Variants in FARP2 observed in about 807,000 individuals in gnomAD.
FARP2 encodes FERM, ARHGEF and pleckstrin domain-containing protein 2.
In FARP2, 111 loss-of-function variants were observed where a neutral mutation model predicts 130.5. That is an observed-to-expected ratio of 0.85 (90% confidence interval 0.73 to 1.00). The LOEUF (loss-of-function observed/expected upper bound fraction) is 1.00, where lower values mean the gene tolerates loss of function less well. Ranked by LOEUF, FARP2 falls within the 50% of genes least tolerant of loss-of-function variation. The probability of loss-of-function intolerance (pLI) is 0.00; values close to 1 mark genes in which losing one functional copy is unlikely to be tolerated. For synonymous variants in FARP2, 504 were observed against 516.9 expected (o/e 0.98, Z 0.34); for missense variants, 1,385 against 1,346.3 (o/e 1.03, Z -0.45).
intron 1 of FARP2, among the ~76,000 whole-genome samples, chr2:241,366,215 C>G (rs2061318441): frequency 6.7e-6 from 1 of 149,578 alleles, no homozygotes; most frequent in South Asian, 2.1e-4. Flanking sequence ...ACCTTTTATT[C>G]ACTTTCACAC....
At chr2:241,368,463 T>C (rs2061360722) in intron 1 of FARP2, among the ~76,000 whole-genome samples, 1 of 152,148 alleles carries the variant, frequency 6.6e-6, no homozygotes, top group South Asian at 2.1e-4. Context: ...TGTGTGTTCT[T>C]GCCTCTTTAA....
chr2:241,386,046 C>T (rs1467963595), intron 2 of FARP2, among the ~76,000 whole-genome samples: 1 of 152,140 alleles, frequency 6.6e-6, no homozygotes, highest in East Asian at 1.9e-4. Flanking sequence ...TACAAGGTTA[C>T]TGAGCAAAGG....
chr2:241,422,599 A>G (rs1256762128), intron 8 of FARP2, among the ~76,000 whole-genome samples: 1 of 152,192 alleles, frequency 6.6e-6, no homozygotes, highest in African/African-American at 2.4e-5. Context: ...GCAAGGGCAT[A>G]GAAATGGGCT....
rs74000645 is a variant in FARP2, at chr2:241,381,828, G to A, written c.183+8538G>A. The stretch of plus-strand genomic sequence containing the variant: ...TTCACAGTGGTTTAACACTTGCACT[G>A]CAGCATCTCAGCTTTCTGGGGATGA... On this transcript the variant is annotated intron_variant, in intron 2 of 26. Transcript: ENST00000264042. Among the ~76,000 whole-genome samples, 1,261 of 152,324 alleles carry A rather than the reference G, an allele frequency of 8.3e-3. 16 individuals are homozygous for A. The highest frequency in any genetic ancestry group is 0.029 in the African/African-American group (1,199 of 41,562).
chr2:241,412,685 G>A (rs954616596), intron 6 of FARP2, among the ~76,000 whole-genome samples: 3 of 152,104 alleles, frequency 2.0e-5, no homozygotes, highest in African/African-American at 7.2e-5. Flanking sequence ...AAATACTTCA[G>A]CCTGATCATG....
rs200603089 is a variant in FARP2, at chr2:241,462,605, T to C, written c.1670T>C (p.Ile557Thr). 34 of 1,605,898 alleles carry C rather than the reference T, an allele frequency of 2.1e-5. No homozygotes were observed. In the East Asian group the frequency reaches 3.8e-4, roughly 18 times the overall value. Reference sequence around the variant, plus strand: ...ACATACCTCAAGGATTTAGAAGTTATTACCGTGGTACGAAAGTCCTTGATT... The same window carrying C: ...ACATACCTCAAGGATTTAGAAGTTACTACCGTGGTACGAAAGTCCTTGATT... ...ERTYLKDLEV[I>T]TVWFRSAVVK... Residue 557 changes from isoleucine to threonine, a missense_variant, in exon 15 of 27, where the codon ATT (isoleucine) becomes ACT (threonine). Transcript: ENST00000264042.
At chr2:241,492,884 T>C in intron 24 of FARP2, 45 bp from the exon 25 acceptor site, 1 of 1,122,262 alleles carries the variant, frequency 8.9e-7, no homozygotes, top group African/African-American at 1.5e-5. Flanking sequence ...CCACAAGGGG[T>C]CCTGGGTGCT....
chr2:241,437,384 C>G (rs1438074106), intron 12 of FARP2, among the ~76,000 whole-genome samples: 1 of 152,210 alleles, frequency 6.6e-6, no homozygotes, highest in Non-Finnish European at 1.5e-5. Context: ...TGTTTCAGGT[C>G]TACTTCACTA....
intron 1 of FARP2, among the ~76,000 whole-genome samples, chr2:241,363,246 A>AT (rs1398801205): frequency 2.0e-5 from 3 of 152,044 alleles, no homozygotes; most frequent in Admixed American, 2.0e-4. Flanking sequence ...GAAAGCCATT[A>AT]TTTTTTTCCC....
intron 5 of FARP2, among the ~76,000 whole-genome samples, chr2:241,410,012 C>T (rs1228809207): frequency 6.6e-6 from 1 of 152,132 alleles, no homozygotes; most frequent in Non-Finnish European, 1.5e-5. Context: ...TAATATTGTG[C>T]ACTGGGGCAT....
chr2:241,486,829 C>T (rs2064764827), intron 21 of FARP2, among the ~76,000 whole-genome samples: 1 of 152,232 alleles, frequency 6.6e-6, no homozygotes, highest in African/African-American at 2.4e-5. Context: ...CCTGCGCCAG[C>T]TGACCTTCCC....
At chr2:241,420,241 G>T (rs753127665) in intron 8 of FARP2, among the ~76,000 whole-genome samples, 6 of 152,212 alleles carry the variant, frequency 3.9e-5, no homozygotes, top group Admixed American at 6.5e-5. Context: ...CAAGGAAGCA[G>T]CTCTTTATGT....
intron 18 of FARP2, among the ~76,000 whole-genome samples, chr2:241,472,788 G>A (rs963631210): frequency 1.3e-5 from 2 of 150,258 alleles, no homozygotes; most frequent in African/African-American, 4.9e-5. Flanking sequence ...TGTTCTGAAG[G>A]GACTCAGTTC....
intron 17 of FARP2, among the ~76,000 whole-genome samples, chr2:241,465,079 G>A (rs568132711): frequency 7.8e-4 from 119 of 152,076 alleles, no homozygotes; most frequent in Admixed American, 2.7e-3. Flanking sequence ...TTAGATCAGG[G>A]CCCTTACCAG....
chr2:241,491,589 GCA>G lies in FARP2; in HGVS notation c.2698_2699del (p.His900TrpfsTer67). The G allele has an allele frequency of 6.2e-7, 1 of 1,613,774 alleles. No individual in the cohort carries two copies. Among genetic ancestry groups the G allele is most frequent in the Non-Finnish European group, 8.5e-7 (1 of 1,179,970 alleles). On this transcript the variant is annotated frameshift_variant, in exon 24 of 27. Coordinates refer to ENST00000264042, the MANE Select transcript of FARP2 (RefSeq NM_014808.4). LOFTEE classifies it high-confidence loss of function. ...ARGVRSSLEG[H>X]GQHRANTTMH... is the part of the protein sequence containing the mutation. ...GGGGTGTCCGCAGCTCCCTGGAGGG[GCA>G]TGGCCAGCACCGGGCCAACACCACA... is the stretch of plus-strand genomic sequence containing the variant.
intron 3 of FARP2, 142 bp from the exon 4 acceptor site, chr2:241,404,657 C>G (rs557968961): frequency 3.3e-6 from 2 of 606,412 alleles, no homozygotes; most frequent in South Asian, 4.1e-5. Flanking sequence ...TATCAGGATT[C>G]AACCTTTAAG....
chr2:241,359,609 G>A (rs763710508), intron 1 of FARP2, among the ~76,000 whole-genome samples: 3 of 152,218 alleles, frequency 2.0e-5, no homozygotes, highest in Non-Finnish European at 4.4e-5. Flanking sequence ...CCCCTGTGAG[G>A]AAAGCTGCTC....
intron 2 of FARP2, among the ~76,000 whole-genome samples, chr2:241,391,053 G>A (rs144760151): frequency 4.0e-4 from 61 of 152,280 alleles, no homozygotes; most frequent in African/African-American, 1.3e-3. Flanking sequence ...TGACAGACAC[G>A]TTTCCTTTTT....
intron 7 of FARP2, among the ~76,000 whole-genome samples, chr2:241,416,934 G>T (rs2062688624): frequency 6.6e-6 from 1 of 151,944 alleles, no homozygotes; most frequent in South Asian, 2.1e-4. Context: ...GTGAGTGGGT[G>T]AGTGAGTGAG....
Sources: gnomAD v4.1 joint callset for allele counts (sites outside exome capture counted in the v4.1 genomes callset) on GRCh38, gnomAD v4.1.1 for gene constraint, MANE v1.5 for transcripts, NCBI Gene and HGNC (gene_info 2026-07-23, HGNC 2026-07-21) for gene names.